APBB2: variants seen among roughly 807,000 people sequenced by gnomAD.
APBB2 encodes Fe65-like 1.
In APBB2, 38 loss-of-function variants were observed where a neutral mutation model predicts 82.5. The observed-to-expected ratio is 0.46, with a 90% CI of 0.36 to 0.60. The LOEUF is 0.60. Ranked by LOEUF, APBB2 falls within the 20% of genes least tolerant of loss-of-function variation. The probability of loss-of-function intolerance (pLI) is 0.00; values close to 1 mark genes in which losing one functional copy is unlikely to be tolerated. For missense variants in APBB2, 772 were observed against 972.3 expected (o/e 0.79, Z 2.74); for synonymous variants, 341 against 368.2 (o/e 0.93, Z 0.85).
At chr4:40,991,540 GA>G (rs927368677) in intron 6 of APBB2, among the ~76,000 whole-genome samples, 3 of 151,394 alleles carry the variant, frequency 2.0e-5, no homozygotes, top group South Asian at 4.2e-4. Context: ...AGTACAGGGG[GA>G]AAAAAAACCT....
intron 12 of APBB2, among the ~76,000 whole-genome samples, chr4:40,851,143 T>C (rs1453553379): frequency 5.9e-5 from 9 of 151,732 alleles, no homozygotes; most frequent in Admixed American, 5.9e-4. Context: ...AACAGCAGAG[T>C]GTAAACCAAT....
At chr4:41,085,119 T>A (rs908502872) in intron 3 of APBB2, among the ~76,000 whole-genome samples, 3 of 151,824 alleles carry the variant, frequency 2.0e-5, no homozygotes, top group African/African-American at 7.3e-5. Flanking sequence ...GGCGTGGTGA[T>A]GCGCGCCTGT....
intron 4 of APBB2, among the ~76,000 whole-genome samples, chr4:41,063,639 A>T (rs1391195517): frequency 6.6e-6 from 1 of 152,052 alleles, no homozygotes; most frequent in African/African-American, 2.4e-5. Flanking sequence ...CTTTACAAAC[A>T]ATTGTCTGGG....
chr4:41,213,955 G>C (rs539874756), intron 1 of APBB2, among the ~76,000 whole-genome samples: 1 of 152,322 alleles, frequency 6.6e-6, no homozygotes, highest in Admixed American at 6.5e-5. Flanking sequence ...CAGGACAAGG[G>C]GGTGTGCGCT....
intron 12 of APBB2, among the ~76,000 whole-genome samples, chr4:40,847,645 C>T (rs892894676): frequency 3.3e-5 from 5 of 152,138 alleles, no homozygotes; most frequent in East Asian, 1.9e-4. Context: ...CTTAAAACCA[C>T]GGTGAGCACC....
chr4:40,961,087 G>C (rs1793067453), intron 6 of APBB2, among the ~76,000 whole-genome samples: 4 of 152,112 alleles, frequency 2.6e-5, no homozygotes, highest in Non-Finnish European at 5.9e-5. Context: ...TGGTTCCTGA[G>C]GTCTTTGTAG....
At chr4:40,954,142 C>G (rs1288668058) in intron 6 of APBB2, among the ~76,000 whole-genome samples, 1 of 152,200 alleles carries the variant, frequency 6.6e-6, no homozygotes, top group Non-Finnish European at 1.5e-5. Flanking sequence ...CCCTCTTCCC[C>G]CTAGGCTCAC....
At chr4:41,053,910 T>C (rs905642077) in intron 4 of APBB2, among the ~76,000 whole-genome samples, 9 of 152,346 alleles carry the variant, frequency 5.9e-5, no homozygotes, top group African/African-American at 2.2e-4. Flanking sequence ...TCATACTGAA[T>C]ATCAAGGACA....
At chr4:41,068,201 A>G (rs77929731) in intron 3 of APBB2, among the ~76,000 whole-genome samples, 11,357 of 152,282 alleles carry the variant, frequency 0.075, 602 homozygotes, top group Non-Finnish European at 0.11. Context: ...TGTACCGATG[A>G]TAAAGTTTAA....
intron 10 of APBB2, among the ~76,000 whole-genome samples, chr4:40,898,641 A>T (rs1332527620): frequency 2.0e-5 from 3 of 148,438 alleles, no homozygotes; most frequent in Non-Finnish European, 3.0e-5. Flanking sequence ...AACAGATTTC[A>T]GCCAAAGCCA....
intron 5 of APBB2, among the ~76,000 whole-genome samples, chr4:41,020,832 G>T (rs531226530): frequency 1.3e-5 from 2 of 152,284 alleles, no homozygotes; most frequent in East Asian, 3.9e-4. Flanking sequence ...AGCCTCTGAG[G>T]CATAGACCTC....
At chr4:41,202,848 A>C (rs1355621412) in intron 1 of APBB2, among the ~76,000 whole-genome samples, 1 of 152,246 alleles carries the variant, frequency 6.6e-6, no homozygotes, top group African/African-American at 2.4e-5. Flanking sequence ...TGTATTGTTA[A>C]TAACTGGGGC....
At chr4:40,891,384 C>G (rs1771984360) in intron 11 of APBB2, among the ~76,000 whole-genome samples, 1 of 152,180 alleles carries the variant, frequency 6.6e-6, no homozygotes, top group South Asian at 2.1e-4. Context: ...TGTTGCACAG[C>G]TGAAAGACTC....
intron 4 of APBB2, among the ~76,000 whole-genome samples, chr4:41,064,244 C>A (rs1037733255): frequency 6.6e-6 from 1 of 152,104 alleles, no homozygotes; most frequent in African/African-American, 2.4e-5. Context: ...TCCCAAAGTG[C>A]TGGGATTACA....
At chr4:41,121,804 C>T (rs960115584) in intron 2 of APBB2, among the ~76,000 whole-genome samples, 1 of 152,146 alleles carries the variant, frequency 6.6e-6, no homozygotes, top group African/African-American at 2.4e-5. Context: ...TACTAGCCCC[C>T]GGATGCAGCC....
chr4:40,820,416 G>C (rs1003344947), intron 17 of APBB2, among the ~76,000 whole-genome samples: 1 of 152,146 alleles, frequency 6.6e-6, no homozygotes. Context: ...GGTAATCCCA[G>C]CACTTGGGAG....
chr4:41,182,860 A>C (rs1351937258), intron 1 of APBB2, among the ~76,000 whole-genome samples: 1 of 152,204 alleles, frequency 6.6e-6, no homozygotes, highest in African/African-American at 2.4e-5. Flanking sequence ...CCCATGATTC[A>C]ATTACCTCTA....
At chr4:41,059,077 C>G (rs956567826) in intron 4 of APBB2, among the ~76,000 whole-genome samples, 3 of 151,586 alleles carry the variant, frequency 2.0e-5, no homozygotes, top group Non-Finnish European at 4.4e-5. Context: ...ATCTCACCAA[C>G]AAGAAATCAA....
At chr4:40,911,611 G>A (rs761891907) in intron 10 of APBB2, among the ~76,000 whole-genome samples, 5 of 152,188 alleles carry the variant, frequency 3.3e-5, no homozygotes, top group African/African-American at 4.8e-5. Flanking sequence ...TCCAATCCAT[G>A]TCTGGCTTAT....
Sources: gnomAD v4.1 joint callset for allele counts (sites outside exome capture counted in the v4.1 genomes callset) on GRCh38, gnomAD v4.1.1 for gene constraint, MANE v1.5 for transcripts, NCBI Gene and HGNC (gene_info 2026-07-23, HGNC 2026-07-21) for gene names.